TSHZ2: variants seen among roughly 807,000 people sequenced by gnomAD.
TSHZ2 encodes the protein teashirt homolog 2.
In TSHZ2, 21 loss-of-function variants were observed where a neutral mutation model predicts 74.4. The ratio of observed to expected loss-of-function variants is 0.28; its 90% CI spans 0.20 to 0.41. The LOEUF is 0.41. Ranked by LOEUF, TSHZ2 falls within the 10% of genes least tolerant of loss-of-function variation. TSHZ2 has a pLI of 1.00. For synonymous variants in TSHZ2, 540 were observed against 515.3 expected (o/e 1.05, Z -0.65); for missense variants, 1,244 against 1,293.5 (o/e 0.96, Z 0.59).
intron 2 of TSHZ2, among the ~76,000 whole-genome samples, chr20:53,414,357 C>T (rs560025715): frequency 5.6e-4 from 85 of 151,416 alleles, no homozygotes; most frequent in African/African-American, 2.0e-3. Flanking sequence ...TAGTGGCTCA[C>T]ACCTGTAATC....
chr20:53,002,799 G>A (rs6022204), intron 1 of TSHZ2, among the ~76,000 whole-genome samples: 7,484 of 152,198 alleles, frequency 0.049, 201 homozygotes, highest in East Asian at 0.087. Context: ...CTCCAGGTAC[G>A]ACGTGTGTAT....
At chr20:53,073,162 ATTCC>A (rs1985243537) in intron 1 of TSHZ2, among the ~76,000 whole-genome samples, 1 of 132,670 alleles carries the variant, frequency 7.5e-6, no homozygotes, top group African/African-American at 2.8e-5. Flanking sequence ...CCATCCCTCC[ATTCC>A]TTCATCCATC....
intron 2 of TSHZ2, among the ~76,000 whole-genome samples, chr20:53,430,060 A>G (rs572791520): frequency 2.0e-5 from 3 of 152,124 alleles, no homozygotes; most frequent in East Asian, 1.9e-4. Flanking sequence ...ACCCTACTAT[A>G]TATCTATGAT....
chr20:53,180,814 A>T (rs1293386), intron 1 of TSHZ2, among the ~76,000 whole-genome samples: 1 of 152,090 alleles, frequency 6.6e-6, no homozygotes, highest in African/African-American at 2.4e-5. Flanking sequence ...TTGTTAACAC[A>T]AAGCAAAAAG....
At chr20:53,485,734 A>G (rs1172168985) in intron 2 of TSHZ2, among the ~76,000 whole-genome samples, 1 of 152,168 alleles carries the variant, frequency 6.6e-6, no homozygotes, top group Non-Finnish European at 1.5e-5. Context: ...GGGAAAAGAA[A>G]AGACTAGAAG....
chr20:53,014,653 C>T (rs1184603049), intron 1 of TSHZ2, among the ~76,000 whole-genome samples: 2 of 152,074 alleles, frequency 1.3e-5, no homozygotes, highest in Non-Finnish European at 2.9e-5. Flanking sequence ...TTCCTCTTTC[C>T]GTGCTAGGAA....
intron 2 of TSHZ2, among the ~76,000 whole-genome samples, chr20:53,416,092 G>T (rs1243207335): frequency 6.6e-6 from 1 of 152,202 alleles, no homozygotes; most frequent in African/African-American, 2.4e-5. Flanking sequence ...CCCACGTGAA[G>T]GGCAGGTGGG....
At chr20:53,033,622 A>C (rs898002042) in intron 1 of TSHZ2, among the ~76,000 whole-genome samples, 3 of 118,558 alleles carry the variant, frequency 2.5e-5, no homozygotes, top group Non-Finnish European at 3.5e-5. Context: ...AATTTGTTTT[A>C]GTCGCCCTCT....
intron 2 of TSHZ2, among the ~76,000 whole-genome samples, chr20:53,338,068 A>ATCTC (rs1980027673): frequency 6.6e-6 from 1 of 152,212 alleles, no homozygotes; most frequent in Non-Finnish European, 1.5e-5. Context: ...CAGAGCAGGG[A>ATCTC]CACACCATAG....
intron 2 of TSHZ2, among the ~76,000 whole-genome samples, chr20:53,414,616 C>T (rs1341134667): frequency 6.6e-6 from 1 of 152,108 alleles, no homozygotes; most frequent in Non-Finnish European, 1.5e-5. Context: ...TAAGATCATA[C>T]CACTGCACTT....
At chr20:53,150,113 C>T (rs544721001) in intron 1 of TSHZ2, among the ~76,000 whole-genome samples, 50 of 152,286 alleles carry the variant, frequency 3.3e-4, no homozygotes, top group African/African-American at 1.1e-3. Context: ...CCTATGAGAT[C>T]GCTATTTCTG....
chr20:53,172,259 A>G (rs1195628219), intron 1 of TSHZ2, among the ~76,000 whole-genome samples: 2 of 152,236 alleles, frequency 1.3e-5, no homozygotes, highest in African/African-American at 2.4e-5. Flanking sequence ...AATTCCAAGT[A>G]TATGCTACAT....
chr20:53,251,850 G>T (rs138867285), intron 1 of TSHZ2, among the ~76,000 whole-genome samples: 26 of 152,152 alleles, frequency 1.7e-4, no homozygotes, highest in African/African-American at 5.3e-4. Context: ...TTAGCCTTTG[G>T]GTCTCATCAA....
intron 1 of TSHZ2, among the ~76,000 whole-genome samples, chr20:53,038,252 A>T (rs962758982): frequency 4.2e-5 from 6 of 144,070 alleles, no homozygotes; most frequent in Middle Eastern, 3.7e-3. Context: ...CCAGAATTTG[A>T]ATGTTGTACT....
At chr20:53,393,895 C>CT (rs1240423940) in intron 2 of TSHZ2, among the ~76,000 whole-genome samples, 1 of 152,166 alleles carries the variant, frequency 6.6e-6, no homozygotes, top group South Asian at 2.1e-4. Context: ...TACAGTAAAA[C>CT]TTTTTTAAAA....
intron 1 of TSHZ2, among the ~76,000 whole-genome samples, chr20:53,127,115 A>G (rs1394265575): frequency 6.6e-6 from 1 of 152,244 alleles, no homozygotes; most frequent in African/African-American, 2.4e-5. Context: ...TTGGTGGTAT[A>G]TTGATGGTAT....
rs866671774 is a variant in TSHZ2 at position 53,469,642 on chromosome 20, A to G, written c.*9-17502A>G. On this transcript the variant is annotated intron_variant, in intron 2 of 2. Transcript: ENST00000371497. Reference sequence around the variant, plus strand: ...AGAGGGAGGAAGGGAGGGAGGAAGGAAGGAAGGAAGGAAGGAAGGAAGGAA... The same window carrying G: ...AGAGGGAGGAAGGGAGGGAGGAAGGGAGGAAGGAAGGAAGGAAGGAAGGAA... Among the ~76,000 whole-genome samples, 274 of 58,316 alleles carry G rather than the reference A, an allele frequency of 4.7e-3. 21 individuals carry two copies. Among genetic ancestry groups the G allele is most frequent in the African/African-American group, 0.019 (246 of 13,088 alleles). 38.3% of individuals were successfully genotyped at this position (58,316 alleles called of 152,430 possible). A position where few individuals can be genotyped will look rare whatever the true frequency, so the allele number is the denominator to read the frequency against.
intron 2 of TSHZ2, among the ~76,000 whole-genome samples, chr20:53,485,267 C>T (rs1986262725): frequency 6.6e-6 from 1 of 152,146 alleles, no homozygotes; most frequent in South Asian, 2.1e-4. Context: ...CATTAAATGT[C>T]CAATATTACA....
intron 2 of TSHZ2, among the ~76,000 whole-genome samples, chr20:53,279,680 TC>T (rs1991016553): frequency 6.6e-6 from 1 of 152,234 alleles, no homozygotes; most frequent in South Asian, 2.1e-4. Flanking sequence ...AATGACATTT[TC>T]CTTTCCTTCA....
Sources: allele counts gnomAD v4.1 joint callset (sites outside exome capture counted in the v4.1 genomes callset), GRCh38; gene constraint gnomAD v4.1.1; transcripts MANE v1.5; gene names NCBI Gene and HGNC (gene_info 2026-07-23, HGNC 2026-07-21).